Variants in DLGAP1 observed in about 807,000 individuals in gnomAD.
The protein encoded by DLGAP1 is disks large-associated protein 1.
In DLGAP1, 11 loss-of-function variants were observed where a neutral mutation model predicts 90.8. The ratio of observed to expected loss-of-function variants is 0.12; its 90% CI spans 0.08 to 0.20. DLGAP1 has a LOEUF of 0.20. DLGAP1 is among the 10% of genes least tolerant of loss of function. DLGAP1 has a pLI of 1.00. For synonymous variants in DLGAP1, 558 were observed against 540.7 expected, an observed-to-expected ratio of 1.03 and a Z score of -0.44; for missense variants, 1,050 against 1,333.8, an observed-to-expected ratio of 0.79 and a Z score of 3.31.
chr18:3,862,159 G>T (rs141468767), intron 4 of DLGAP1, among the ~76,000 whole-genome samples: 1 of 152,176 alleles, frequency 6.6e-6, no homozygotes, highest in Non-Finnish European at 1.5e-5. Context: ...TTGGCCAAAG[G>T]CATAAGCAAT....
At chr18:4,274,148 C>G (rs73376959) in intron 1 of DLGAP1, among the ~76,000 whole-genome samples, 2 of 151,760 alleles carry the variant, frequency 1.3e-5, no homozygotes, top group East Asian at 1.9e-4. Flanking sequence ...AAAGCCCTTA[C>G]GGTTATAACT....
chr18:4,060,074 A>T (rs1267726698), intron 2 of DLGAP1, among the ~76,000 whole-genome samples: 3 of 152,216 alleles, frequency 2.0e-5, no homozygotes, highest in Non-Finnish European at 2.9e-5. Context: ...CACTGGAAAC[A>T]GTACTTCCCT....
intron 2 of DLGAP1, among the ~76,000 whole-genome samples, chr18:4,040,948 G>A (rs2074964869): frequency 1.3e-5 from 2 of 152,172 alleles, no homozygotes; most frequent in African/African-American, 2.4e-5. Flanking sequence ...GAGAGACCCG[G>A]CATTAACATG....
intron 1 of DLGAP1, among the ~76,000 whole-genome samples, chr18:4,204,539 C>T (rs1223200155): frequency 6.7e-6 from 1 of 149,990 alleles, no homozygotes; most frequent in African/African-American, 2.5e-5. Context: ...TTTTTTCTGA[C>T]CGCAGTGCAT....
At chr18:4,206,843 C>A (rs2077730588) in intron 1 of DLGAP1, among the ~76,000 whole-genome samples, 1 of 152,092 alleles carries the variant, frequency 6.6e-6, no homozygotes, top group South Asian at 2.1e-4. Context: ...AATGAAGTCA[C>A]AAAAGGCATG....
At chr18:3,828,080 T>C (rs2067818229) in intron 4 of DLGAP1, among the ~76,000 whole-genome samples, 1 of 152,232 alleles carries the variant, frequency 6.6e-6, no homozygotes, top group Non-Finnish European at 1.5e-5. Flanking sequence ...GTACTGATTG[T>C]AGTCGTGTAG....
At chr18:4,306,127 T>G (rs886383961) in intron 1 of DLGAP1, among the ~76,000 whole-genome samples, 4 of 142,698 alleles carry the variant, frequency 2.8e-5, no homozygotes, top group Non-Finnish European at 4.6e-5. Flanking sequence ...TAACAGCAGA[T>G]AGGTGATATC....
intron 3 of DLGAP1, among the ~76,000 whole-genome samples, chr18:3,977,003 T>G (rs2073596256): frequency 6.6e-6 from 1 of 152,248 alleles, no homozygotes; most frequent in African/African-American, 2.4e-5. Context: ...TACAATCTCT[T>G]TAAAAAATTG....
intron 1 of DLGAP1, among the ~76,000 whole-genome samples, chr18:4,222,895 A>G (rs2078107533): frequency 6.6e-6 from 1 of 152,184 alleles, no homozygotes. Flanking sequence ...AGAAAATAAG[A>G]GGACATAGTT....
chr18:3,591,080 G>C (rs1160449069), intron 7 of DLGAP1, among the ~76,000 whole-genome samples: 2 of 152,002 alleles, frequency 1.3e-5, no homozygotes, highest in East Asian at 3.9e-4. Context: ...AGCAGATTGA[G>C]GGCAAACAAA....
At chr18:3,990,642 T>TAATAATAAA (rs2073947847) in intron 3 of DLGAP1, among the ~76,000 whole-genome samples, 1 of 147,600 alleles carries the variant, frequency 6.8e-6, no homozygotes, top group South Asian at 2.1e-4. Flanking sequence ...ATAATAATAA[T>TAATAATAAA]AATAATAATA....
At chr18:4,221,173 C>G (rs1031572346) in intron 1 of DLGAP1, among the ~76,000 whole-genome samples, 11 of 152,072 alleles carry the variant, frequency 7.2e-5, no homozygotes, top group Non-Finnish European at 1.3e-4. Context: ...AACTTGAATC[C>G]TATGTTTTCG....
chr18:3,746,771 A>T (rs1389040362), intron 5 of DLGAP1, among the ~76,000 whole-genome samples: 1 of 152,222 alleles, frequency 6.6e-6, no homozygotes, highest in Non-Finnish European at 1.5e-5. Flanking sequence ...TTTAAAAAAC[A>T]TACATTTACA....
At position 3,579,077 on chromosome 18, in the gene DLGAP1, A is replaced by T. The variant is rs1045037418; in HGVS notation, c.1965+2798T>A. Among the ~76,000 whole-genome samples the T allele has an allele frequency of 2.6e-5, 4 of 152,282 alleles. No homozygotes were observed. In the South Asian group the frequency reaches 6.2e-4, roughly 24 times the overall value. ...ATTATTATTATTCTGAAACTGTTTT[A>T]AAAAATCTAGCTTCCTGTGGAGGTT... On this transcript the variant is annotated intron_variant, in intron 8 of 12. Coordinates refer to ENST00000315677, the MANE Select transcript of DLGAP1 (RefSeq NM_004746.4).
rs139226286 is a variant in DLGAP1 at position 3,788,022 on chromosome 18, C to T, written c.1172+26037G>A. Among the ~76,000 whole-genome samples, 401 of 152,300 alleles carry T rather than the reference C, an allele frequency of 2.6e-3. 2 individuals are homozygous for T. The highest frequency in any genetic ancestry group is 9.4e-3 in the African/African-American group (391 of 41,558). On this transcript the variant is annotated intron_variant, in intron 5 of 12. Coordinates refer to ENST00000315677, the MANE Select transcript of DLGAP1 (RefSeq NM_004746.4). ...ACTGACTTCTGTCACAAACCATTGC[C>T]TGCTCTGTGGGTCCAATAGACTTTG...
At chr18:3,501,071 C>T (rs190477457) in intron 12 of DLGAP1, among the ~76,000 whole-genome samples, 5 of 151,874 alleles carry the variant, frequency 3.3e-5, no homozygotes, top group African/African-American at 7.3e-5. Flanking sequence ...TGTACCACCA[C>T]GCCCAGCTAA....
rs1185519020 is a variant in DLGAP1 at position 4,378,109 on chromosome 18, T to C, written c.-267+76897A>G. ...AATCTTTTTTCTAATATATAACATA[T>C]ATTAGAAATATTGTATATAAAATTT... On this transcript the variant is annotated intron_variant, in intron 1 of 12. Coordinates refer to ENST00000315677, the MANE Select transcript of DLGAP1 (RefSeq NM_004746.4). The surrounding 1 kb of genome is among the most constrained non-coding windows in gnomAD (Gnocchi z 4.5). Among the ~76,000 whole-genome samples the C allele has an allele frequency of 2.0e-5, 3 of 148,392 alleles. No individual in the cohort carries two copies. Among genetic ancestry groups the C allele is most frequent in the Non-Finnish European group, 3.0e-5 (2 of 67,256 alleles).
At chr18:3,597,088 ACT>A (rs2056623138) in intron 7 of DLGAP1, 2 of 499,404 alleles carry the variant, frequency 4.0e-6, no homozygotes, top group Admixed American at 2.0e-5. Context: ...ACTCCTCGTT[ACT>A]CTTTTTTTTT....
chr18:3,808,445 G>A (rs1683666417), intron 5 of DLGAP1, among the ~76,000 whole-genome samples: 2 of 152,264 alleles, frequency 1.3e-5, no homozygotes, highest in Admixed American at 1.3e-4. Flanking sequence ...CACTGAGGAC[G>A]TAAATTCACA....
Sources: allele counts gnomAD v4.1 joint callset (sites outside exome capture counted in the v4.1 genomes callset), GRCh38; gene constraint gnomAD v4.1.1; non-coding constraint Gnocchi (gnomAD v3.1); transcripts MANE v1.5; gene names NCBI Gene and HGNC (gene_info 2026-07-23, HGNC 2026-07-21).